CDKAL1: variants seen among roughly 807,000 people sequenced by gnomAD.
The protein encoded by CDKAL1 is threonylcarbamoyladenosine tRNA methylthiotransferase.
CDKAL1 carries 32 observed loss-of-function variants against 68.2 expected under a neutral mutation model. The observed-to-expected ratio is 0.47, with a 90% CI of 0.35 to 0.63. The LOEUF (loss-of-function observed/expected upper bound fraction) is 0.63, where lower values mean the gene tolerates loss of function less well. Among genes scored for constraint, CDKAL1 ranks in the 30% least tolerant of loss-of-function variants. The pLI is 0.00. For synonymous variants in CDKAL1, 234 were observed against 244.3 expected (o/e 0.96, Z 0.39); for missense variants, 606 against 696.7 (o/e 0.87, Z 1.47).
chr6:21,047,422 G>A (rs73735613), intron 11 of CDKAL1, among the ~76,000 whole-genome samples: 2,994 of 152,254 alleles, frequency 0.02, 97 homozygotes, highest in African/African-American at 0.065. Context: ...CCTCTAGGAC[G>A]TAAAGGAAAA....
At chr6:20,887,320 T>C (rs1761116661) in intron 9 of CDKAL1, among the ~76,000 whole-genome samples, 1 of 152,122 alleles carries the variant, frequency 6.6e-6, no homozygotes, top group South Asian at 2.1e-4. Flanking sequence ...TTCTACTCAT[T>C]TACTAAGAGA....
rs957613138 is a variant in CDKAL1 at position 20,678,636 on chromosome 6, T to G, written c.371+29259T>G. Among the ~76,000 whole-genome samples the G allele has an allele frequency of 5.3e-5, 8 of 152,322 alleles. No individual in the cohort carries two copies. In the East Asian group the frequency reaches 1.5e-3, roughly 29 times the overall value. Reference sequence around the variant, plus strand: ...CCTATGGTAAATTGTTTCTTTATACTACAGTTGTTTCGCTTAAACTTGTGG... The same window carrying G: ...CCTATGGTAAATTGTTTCTTTATACGACAGTTGTTTCGCTTAAACTTGTGG... On this transcript the variant is annotated intron_variant, in intron 5 of 15. Transcript: ENST00000274695.
chr6:21,229,059 C>T (rs556813729), intron 15 of CDKAL1, among the ~76,000 whole-genome samples: 2 of 152,214 alleles, frequency 1.3e-5, no homozygotes, highest in Admixed American at 6.5e-5. Context: ...GATATCGGCC[C>T]GGATACCTGA....
chr6:20,722,020 C>T (rs553798878), intron 5 of CDKAL1, among the ~76,000 whole-genome samples: 12 of 152,012 alleles, frequency 7.9e-5, no homozygotes, highest in Non-Finnish European at 1.2e-4. Context: ...CGTGAGCCAC[C>T]GTGCCTGGCC....
chr6:20,535,456 A>G (rs1408915839), intron 2 of CDKAL1, 62 bp downstream of exon 2: 4 of 152,336 alleles, frequency 2.6e-5, no homozygotes, highest in Non-Finnish European at 5.9e-5. Context: ...ATGTTAGAAA[A>G]TGCAGAGAGG....
At chr6:20,935,823 G>T (rs1763680401) in intron 9 of CDKAL1, among the ~76,000 whole-genome samples, 1 of 152,112 alleles carries the variant, frequency 6.6e-6, no homozygotes. Flanking sequence ...TCCCCCTTTG[G>T]CCTCCCGAAG....
At chr6:20,709,519 G>A (rs1009967324) in intron 5 of CDKAL1, among the ~76,000 whole-genome samples, 1 of 152,010 alleles carries the variant, frequency 6.6e-6, no homozygotes, top group African/African-American at 2.4e-5. Context: ...TCAACCTGTA[G>A]TCTCTTCCCT....
rs750729283 is a variant in CDKAL1, at chr6:20,609,396, TTCTTC to T, written c.287-39895_287-39891del. On this transcript the variant is annotated intron_variant, in intron 4 of 15. Coordinates refer to ENST00000274695, the MANE Select transcript of CDKAL1 (RefSeq NM_017774.3). The stretch of plus-strand genomic sequence containing the variant: ...CTCCTTCTTCTTCTTCTTCTTCTTC[TTCTTC>T]TTTTTTTTTTTTGAGATGGAATCTC... Among the ~76,000 whole-genome samples the T allele has an allele frequency of 3.9e-3, 411 of 105,156 alleles. 1 individual carries two copies. Among genetic ancestry groups the T allele is most frequent in the African/African-American group, 6.3e-3 (183 of 29,238 alleles). 69.0% of individuals were successfully genotyped at this position (105,156 alleles called of 152,430 possible).
intron 9 of CDKAL1, among the ~76,000 whole-genome samples, chr6:20,929,520 G>A (rs1023264153): frequency 3.9e-5 from 6 of 152,136 alleles, no homozygotes; most frequent in Non-Finnish European, 5.9e-5. Flanking sequence ...ATAGCAGATT[G>A]GATGTTTTTT....
chr6:20,603,677 ACTT>A (rs1414330233), intron 4 of CDKAL1, among the ~76,000 whole-genome samples: 1 of 151,864 alleles, frequency 6.6e-6, no homozygotes, highest in African/African-American at 2.4e-5. Flanking sequence ...AGTGGACAGA[ACTT>A]CTGTGCATTA....
chr6:20,552,191 A>C (rs1397958208), intron 4 of CDKAL1, among the ~76,000 whole-genome samples: 1 of 152,056 alleles, frequency 6.6e-6, no homozygotes, highest in African/African-American at 2.4e-5. Context: ...CTGCAAAAAT[A>C]TTTAAAAAGT....
chr6:21,114,465 G>A (rs1228772759), intron 13 of CDKAL1, among the ~76,000 whole-genome samples: 1 of 152,088 alleles, frequency 6.6e-6, no homozygotes, highest in East Asian at 1.9e-4. Context: ...GGATGTGGTG[G>A]CTCATCCCTG....
intron 4 of CDKAL1, among the ~76,000 whole-genome samples, chr6:20,580,990 T>C (rs576278665): frequency 5.9e-5 from 9 of 152,332 alleles, no homozygotes; most frequent in East Asian, 1.9e-4. Flanking sequence ...GGTTTCTTCA[T>C]GTTGGTCAGG....
intron 6 of CDKAL1, among the ~76,000 whole-genome samples, chr6:20,757,353 C>G (rs1257027216): frequency 1.3e-5 from 2 of 151,996 alleles, no homozygotes; most frequent in Non-Finnish European, 2.9e-5. Context: ...GGTATGGATG[C>G]ATGCATCACA....
intron 9 of CDKAL1, among the ~76,000 whole-genome samples, chr6:20,868,685 A>AGT (rs1217952554): frequency 6.6e-6 from 1 of 152,226 alleles, no homozygotes; most frequent in Non-Finnish European, 1.5e-5. Context: ...CGTTCTTGTT[A>AGT]GTGCCATTGT....
chr6:21,189,350 T>C (rs1778144642), intron 13 of CDKAL1, among the ~76,000 whole-genome samples: 1 of 152,224 alleles, frequency 6.6e-6, no homozygotes. Flanking sequence ...AAGATACTCA[T>C]GGCAATTAAT....
intron 5 of CDKAL1, among the ~76,000 whole-genome samples, chr6:20,700,905 T>TG (rs948686814): frequency 2.6e-5 from 4 of 151,780 alleles, no homozygotes; most frequent in Non-Finnish European, 5.9e-5. Flanking sequence ...GGTTTTTTTT[T>TG]TTTTTTACAC....
At chr6:21,062,971 G>C (rs1771225808) in intron 11 of CDKAL1, among the ~76,000 whole-genome samples, 1 of 152,168 alleles carries the variant, frequency 6.6e-6, no homozygotes, top group Non-Finnish European at 1.5e-5. Flanking sequence ...CTGGAGTGCA[G>C]TGGCGCGATG....
intron 7 of CDKAL1, among the ~76,000 whole-genome samples, chr6:20,769,310 G>A (rs967592869): frequency 6.8e-6 from 1 of 147,654 alleles, no homozygotes; most frequent in Non-Finnish European, 1.5e-5. Flanking sequence ...CCAGGCTGGA[G>A]TGCAGTGGTG....
Sources: gnomAD v4.1 joint callset for allele counts (sites outside exome capture counted in the v4.1 genomes callset) on GRCh38, gnomAD v4.1.1 for gene constraint, MANE v1.5 for transcripts, NCBI Gene and HGNC (gene_info 2026-07-23, HGNC 2026-07-21) for gene names.